Variants in MYO9A observed in about 807,000 individuals in gnomAD.
MYO9A encodes myosin IXA.
MYO9A carries 103 observed loss-of-function variants against 293.3 expected under a neutral mutation model. The observed-to-expected ratio is 0.35, with a 90% CI of 0.30 to 0.41. The LOEUF (loss-of-function observed/expected upper bound fraction) is 0.41, where lower values mean the gene tolerates loss of function less well. Ranked by LOEUF, MYO9A falls within the 10% of genes least tolerant of loss-of-function variation. MYO9A has a pLI of 1.00. For synonymous variants in MYO9A, 1,001 were observed against 1,035.7 expected (o/e 0.97, Z 0.64); for missense variants, 2,685 against 3,033.0 (o/e 0.89, Z 2.69).
intron 13 of MYO9A, among the ~76,000 whole-genome samples, chr15:71,967,406 C>T (rs750672276): frequency 6.6e-6 from 1 of 152,130 alleles, no homozygotes; most frequent in Non-Finnish European, 1.5e-5. Context: ...TTAAGACACT[C>T]GACTCAAGAC....
intron 18 of MYO9A, among the ~76,000 whole-genome samples, chr15:71,922,927 A>T (rs2058192128): frequency 6.6e-6 from 1 of 151,892 alleles, no homozygotes; most frequent in Non-Finnish European, 1.5e-5. Context: ...TATGTTGAAT[A>T]GAGAAAGTGG....
chr15:71,983,562 C>T (rs995702307), intron 11 of MYO9A, among the ~76,000 whole-genome samples: 4 of 148,406 alleles, frequency 2.7e-5, no homozygotes, highest in South Asian at 2.1e-4. Context: ...CTGGAACTTC[C>T]GCGAACCCTT....
chr15:71,967,940 C>T (rs2075917540), intron 13 of MYO9A, 44 bp downstream of exon 13: 2 of 1,551,462 alleles, frequency 1.3e-6, no homozygotes, highest in Non-Finnish European at 1.7e-6. Flanking sequence ...CAGTTAAGAA[C>T]ACATCTCTGC....
intron 11 of MYO9A, 48 bp from the exon 12 acceptor site, chr15:71,978,340 A>G: frequency 1.3e-6 from 2 of 1,521,434 alleles, no homozygotes; most frequent in Non-Finnish European, 1.8e-6. Flanking sequence ...CTTGCAGAAA[A>G]TAGGTATATA....
rs150015187 is a variant in MYO9A at position 71,916,438 on chromosome 15, G to T, written c.2617C>A (p.Arg873Ser). 1.2e-6 allele frequency: 2 copies of T among 1,613,410 alleles called. No homozygotes were observed. The highest frequency in any genetic ancestry group is 2.7e-5 in the African/African-American group (2 of 74,880). The change falls in exon 19 of 42, where the codon CGC becomes AGC. Residue 873 changes from arginine (R) to serine (S), a missense_variant. Physicochemically the swap from Arg to Ser is moderately radical, Grantham distance 110 (BLOSUM62 -1). This residue lies in a region of MYO9A where 1,434 missense variants were observed against 1,497.7 expected (regional missense o/e 0.96). Coordinates refer to ENST00000356056, the MANE Select transcript of MYO9A (RefSeq NM_006901.4). ...KHLTRLTLQD[R>S]ITKSLLHLHK... is the part of the protein sequence containing the mutation. ...AAATGAAGAAGAGACTTGGTAATGC[G>T]ATCTTGTAGTGTCAGTCTTGTCAGG...
chr15:72,118,212 C>A, upstream of MYO9A: 1 of 353,036 alleles, frequency 2.8e-6, no homozygotes, highest in East Asian at 4.2e-5. Flanking sequence ...CGCCCCCGCA[C>A]GTGACGCCAC....
At chr15:71,997,569 A>T (rs2076734289) in intron 9 of MYO9A, among the ~76,000 whole-genome samples, 1 of 152,172 alleles carries the variant, frequency 6.6e-6, no homozygotes, top group Non-Finnish European at 1.5e-5. Context: ...ACTGCACTCC[A>T]GCCCAGGTAA....
At chr15:71,965,354 T>C (rs1332267037) in intron 13 of MYO9A, among the ~76,000 whole-genome samples, 1 of 152,158 alleles carries the variant, frequency 6.6e-6, no homozygotes, top group Admixed American at 6.5e-5. Flanking sequence ...TTTTTCTTTT[T>C]CCTTAGAAAA....
intron 2 of MYO9A, among the ~76,000 whole-genome samples, chr15:72,035,263 A>G (rs2078007930): frequency 6.6e-6 from 1 of 152,122 alleles, no homozygotes; most frequent in African/African-American, 2.4e-5. Context: ...ACCCAGCGAT[A>G]CCCCTCCTGG....
chr15:71,913,628 C>G (rs892942496), intron 19 of MYO9A, among the ~76,000 whole-genome samples: 1 of 151,730 alleles, frequency 6.6e-6, no homozygotes, highest in Non-Finnish European at 1.5e-5. Context: ...TTTCCTGACT[C>G]TTTGCCTGCC....
At chr15:71,969,191 C>G (rs1249489561) in intron 12 of MYO9A, among the ~76,000 whole-genome samples, 1 of 152,154 alleles carries the variant, frequency 6.6e-6, no homozygotes, top group East Asian at 1.9e-4. Flanking sequence ...CAGGCATCCT[C>G]TAGGGATTAA....
chr15:72,058,506 A>T (rs748903266), intron 1 of MYO9A, among the ~76,000 whole-genome samples: 5 of 152,156 alleles, frequency 3.3e-5, no homozygotes, highest in Non-Finnish European at 5.9e-5. Flanking sequence ...GTCAGCAGAG[A>T]AAAAACGATT....
chr15:71,932,203 C>G (rs1437313906), intron 18 of MYO9A, among the ~76,000 whole-genome samples: 1 of 152,108 alleles, frequency 6.6e-6, no homozygotes, highest in South Asian at 2.1e-4. Flanking sequence ...CTCTGCACTA[C>G]GCTGAAGAGA....
At chr15:72,038,674 G>GA (rs2078135065) in intron 2 of MYO9A, among the ~76,000 whole-genome samples, 1 of 152,192 alleles carries the variant, frequency 6.6e-6, no homozygotes, top group African/African-American at 2.4e-5. Context: ...CTTAGACTAA[G>GA]ATGGAAGCCA....
intron 39 of MYO9A, among the ~76,000 whole-genome samples, chr15:71,831,142 T>G (rs1386127240): frequency 6.6e-6 from 1 of 152,206 alleles, no homozygotes; most frequent in African/African-American, 2.4e-5. Context: ...GAGACACTAG[T>G]CCAGCATTTA....
At position 71,879,814 on chromosome 15, in the gene MYO9A, G is replaced by A. The variant is rs2056818566; in HGVS notation, c.5646C>T (p.Asp1882=). ...CATCCACTAGTGTATCCTTCTTGCT[G>A]TCTTCATTATCTAGGTCATTCACCT... is the stretch of plus-strand genomic sequence containing the variant. ...LKKVNDLDNE[D]SKKDTLVDVV... Residue 1882 remains aspartate, a synonymous_variant, in exon 30 of 42, where the codon GAC becomes GAT. Coordinates refer to ENST00000356056, the MANE Select transcript of MYO9A (RefSeq NM_006901.4). 1 of 1,612,598 alleles carries A rather than the reference G, an allele frequency of 6.2e-7. No homozygotes were observed. Among genetic ancestry groups the A allele is most frequent in the African/African-American group, 1.3e-5 (1 of 74,866 alleles).
At chr15:71,838,739 A>G (rs954607169) in intron 39 of MYO9A, among the ~76,000 whole-genome samples, 8 of 152,338 alleles carry the variant, frequency 5.3e-5, no homozygotes, top group African/African-American at 1.9e-4. Context: ...ACTACCAAAG[A>G]CATCACAGAT....
intron 1 of MYO9A, among the ~76,000 whole-genome samples, chr15:72,072,544 T>C (rs1392864968): frequency 6.6e-6 from 1 of 152,170 alleles, no homozygotes; most frequent in Non-Finnish European, 1.5e-5. Context: ...GAAAATGTGA[T>C]ACATACACAA....
intron 2 of MYO9A, among the ~76,000 whole-genome samples, chr15:72,037,089 G>A (rs963085786): frequency 1.3e-5 from 2 of 151,596 alleles, no homozygotes; most frequent in Non-Finnish European, 2.9e-5. Context: ...AGACTGGAGT[G>A]CAGTGGTGTC....
Sources: gnomAD v4.1 joint callset for allele counts (sites outside exome capture counted in the v4.1 genomes callset) on GRCh38, gnomAD v4.1.1 for gene constraint, gnomAD v4.1.1 regional missense constraint, MANE v1.5 for transcripts, NCBI Gene and HGNC (gene_info 2026-07-23, HGNC 2026-07-21) for gene names.